The following NRG3 variants were observed in gnomAD, a reference collection of about 807,000 sequenced individuals.
NRG3 encodes pro-neuregulin-3, membrane-bound isoform.
In NRG3, 31 loss-of-function variants were observed where a neutral mutation model predicts 66.9. The ratio of observed to expected loss-of-function variants is 0.46; its 90% confidence interval spans 0.35 to 0.63. The LOEUF (loss-of-function observed/expected upper bound fraction) is 0.63. NRG3 is among the 20% of genes least tolerant of loss of function. The pLI, the probability that NRG3 is intolerant of heterozygous loss-of-function variation, is 0.00. For missense variants in NRG3, 910 were observed against 878.9 expected, an observed-to-expected ratio of 1.04 and a Z score of -0.45; for synonymous variants, 393 against 359.4, an observed-to-expected ratio of 1.09 and a Z score of -1.06.
intron 2 of NRG3, among the ~76,000 whole-genome samples, chr10:82,414,165 A>C (rs2088345851): frequency 1.3e-5 from 2 of 152,092 alleles, no homozygotes; most frequent in South Asian, 4.1e-4. Flanking sequence ...CATTTCCAGC[A>C]TTAGGTTAAA....
chr10:82,909,444 G>A (rs1845102515), intron 4 of NRG3, among the ~76,000 whole-genome samples: 1 of 152,090 alleles, frequency 6.6e-6, no homozygotes, highest in Non-Finnish European at 1.5e-5. Context: ...CCGACCTCAT[G>A]TGACAGGTTG....
intron 1 of NRG3, among the ~76,000 whole-genome samples, chr10:82,221,472 C>G (rs918655644): frequency 2.6e-5 from 4 of 152,150 alleles, no homozygotes; most frequent in Non-Finnish European, 5.9e-5. Context: ...ATTCCTCTGA[C>G]CATGCAGTTT....
At chr10:82,048,050 T>A (rs1159104354) in intron 1 of NRG3, among the ~76,000 whole-genome samples, 17 of 150,890 alleles carry the variant, frequency 1.1e-4, no homozygotes, top group Non-Finnish European at 1.8e-4. Context: ...AAGAGCTAAC[T>A]ATCCTGAATA....
chr10:82,513,085 A>G (rs1256386621), intron 2 of NRG3, among the ~76,000 whole-genome samples: 2 of 152,166 alleles, frequency 1.3e-5, no homozygotes, highest in Admixed American at 6.5e-5. Flanking sequence ...TGCATTAGCT[A>G]TCTATCCTGA....
At chr10:82,776,214 C>T (rs952104763) in intron 3 of NRG3, among the ~76,000 whole-genome samples, 15 of 152,224 alleles carry the variant, frequency 9.9e-5, no homozygotes, top group African/African-American at 3.1e-4. Context: ...TTTAGGTTGG[C>T]AGTTTTCTTC....
chr10:82,052,185 G>GA (rs1385506602), intron 1 of NRG3, among the ~76,000 whole-genome samples: 12 of 150,766 alleles, frequency 8.0e-5, no homozygotes, highest in South Asian at 2.1e-4. Context: ...GCACTGCAGT[G>GA]AAAAAAAGAA....
At chr10:82,680,529 A>T (rs1459212942) in intron 2 of NRG3, among the ~76,000 whole-genome samples, 1 of 152,166 alleles carries the variant, frequency 6.6e-6, no homozygotes, top group Admixed American at 6.5e-5. Flanking sequence ...AAGAAATCAA[A>T]CCATAAATGT....
intron 1 of NRG3, among the ~76,000 whole-genome samples, chr10:82,154,934 T>A (rs2071072373): frequency 6.6e-6 from 1 of 151,810 alleles, no homozygotes; most frequent in African/African-American, 2.4e-5. Flanking sequence ...CTTTTATCCA[T>A]TCTAACAACT....
chr10:82,753,945 C>CA (rs57793727), intron 3 of NRG3, among the ~76,000 whole-genome samples: 1,599 of 107,914 alleles, frequency 0.015, 8 homozygotes, highest in Middle Eastern at 0.022. Flanking sequence ...GACTCCATCT[C>CA]AAAAAAAAAA....
intron 1 of NRG3, among the ~76,000 whole-genome samples, chr10:82,132,012 T>G (rs962310141): frequency 2.6e-5 from 4 of 152,070 alleles, no homozygotes; most frequent in Non-Finnish European, 5.9e-5. Context: ...CTTTCCAAAT[T>G]GGTTGCCATT....
chr10:82,744,498 G>A (rs150735536), intron 3 of NRG3, among the ~76,000 whole-genome samples: 102 of 152,110 alleles, frequency 6.7e-4, no homozygotes, highest in Admixed American at 1.0e-3. Flanking sequence ...TCTTCTTCCC[G>A]ATCTATCACC....
intron 4 of NRG3, among the ~76,000 whole-genome samples, chr10:82,945,586 A>T (rs1331223902): frequency 6.6e-6 from 1 of 152,138 alleles, no homozygotes; most frequent in East Asian, 1.9e-4. Context: ...AGACAGAGAG[A>T]GGAAATTGAG....
intron 1 of NRG3, among the ~76,000 whole-genome samples, chr10:82,210,407 G>A (rs1376646272): frequency 6.6e-6 from 1 of 152,140 alleles, no homozygotes; most frequent in Non-Finnish European, 1.5e-5. Context: ...TAAATATAAA[G>A]CAAATTCAGT....
chr10:82,709,897 A>C (rs1423061228), intron 2 of NRG3, among the ~76,000 whole-genome samples: 1 of 152,224 alleles, frequency 6.6e-6, no homozygotes, highest in African/African-American at 2.4e-5. Flanking sequence ...TTCAAATCAG[A>C]AGCTGCTGTT....
At chr10:82,914,268 C>A (rs1845619718) in intron 4 of NRG3, among the ~76,000 whole-genome samples, 1 of 152,248 alleles carries the variant, frequency 6.6e-6, no homozygotes. Context: ...ATTTAAAAAT[C>A]TCTGCTGTAT....
At chr10:82,262,657 T>C (rs2078091496) in intron 1 of NRG3, among the ~76,000 whole-genome samples, 1 of 152,182 alleles carries the variant, frequency 6.6e-6, no homozygotes, top group Non-Finnish European at 1.5e-5. Context: ...CCTTACTTGA[T>C]GCTGTTTGTT....
chr10:82,949,304 A>G (rs1392985499), intron 4 of NRG3, among the ~76,000 whole-genome samples: 2 of 151,750 alleles, frequency 1.3e-5, no homozygotes, highest in African/African-American at 4.8e-5. Flanking sequence ...AGATTTTTGC[A>G]TCTGTGGCAA....
intron 1 of NRG3, among the ~76,000 whole-genome samples, chr10:81,956,726 T>C (rs1849869057): frequency 6.6e-6 from 1 of 152,170 alleles, no homozygotes; most frequent in African/African-American, 2.4e-5. Context: ...AGAAGCCAGA[T>C]TGATTCTTTA....
chr10:82,636,448 G>A (rs2050203594), intron 2 of NRG3, among the ~76,000 whole-genome samples: 1 of 152,110 alleles, frequency 6.6e-6, no homozygotes, highest in African/African-American at 2.4e-5. Flanking sequence ...ATGTCTTTTT[G>A]TACCAGAAAG....
Sources: allele counts gnomAD v4.1 joint callset (sites outside exome capture counted in the v4.1 genomes callset), GRCh38; gene constraint gnomAD v4.1.1; transcripts MANE v1.5; gene names NCBI Gene and HGNC (gene_info 2026-07-23, HGNC 2026-07-21).